Variants in DAB2IP observed in about 807,000 individuals in gnomAD.
DAB2IP encodes the protein DAB2 interacting protein.
In DAB2IP, 28 loss-of-function variants were observed where a neutral mutation model predicts 107.2. The ratio of observed to expected loss-of-function variants is 0.26; its 90% CI spans 0.19 to 0.36. The LOEUF (loss-of-function observed/expected upper bound fraction) is 0.36, where lower values mean the gene tolerates loss of function less well. DAB2IP is among the 10% of genes least tolerant of loss of function. The pLI, the probability that DAB2IP is intolerant of heterozygous loss-of-function variation, is 1.00. For missense variants in DAB2IP, 1,400 were observed against 1,644.7 expected (o/e 0.85, Z 2.57); for synonymous variants, 755 against 706.4 (o/e 1.07, Z -1.09).
intron 3 of DAB2IP, among the ~76,000 whole-genome samples, chr9:121,745,939 G>C (rs1832692971): frequency 6.6e-6 from 1 of 152,198 alleles, no homozygotes; most frequent in South Asian, 2.1e-4. Context: ...TCGTAGATTT[G>C]TCCATCTCTT....
In DAB2IP at chr9:121,782,367, C is replaced by T. The variant is rs1835728329; in HGVS notation, c.3439C>T (p.Arg1147Cys). Residue 1147 changes from arginine to cysteine, a missense_variant, in exon 16 of 16, where the codon CGC becomes TGC. Transcript: ENST00000408936. The surrounding 1 kb of genome is among the most constrained non-coding windows in gnomAD (Gnocchi z 6.1). The stretch of plus-strand genomic sequence containing the variant: ...TGCCTCGTTGGATGCCGCCAATGCC[C>T]GCCTCATGAGTGCCCTGACCCAGCT... 2 of 1,614,012 alleles carry T rather than the reference C, an allele frequency of 1.2e-6. No homozygotes were observed. Among genetic ancestry groups the T allele is most frequent in the Non-Finnish European group, 1.7e-6 (2 of 1,179,930 alleles).
intron 3 of DAB2IP, among the ~76,000 whole-genome samples, chr9:121,714,197 G>A (rs1014082052): frequency 9.2e-5 from 14 of 152,124 alleles, no homozygotes; most frequent in African/African-American, 3.1e-4. Flanking sequence ...CATATATATA[G>A]CAAGAGATGG....
intron 1 of DAB2IP, among the ~76,000 whole-genome samples, chr9:121,667,440 G>A (rs1833489949): frequency 6.6e-6 from 1 of 152,100 alleles, no homozygotes; most frequent in Non-Finnish European, 1.5e-5. Context: ...CCACCCACAG[G>A]TATGTTCCTG....
intron 1 of DAB2IP, among the ~76,000 whole-genome samples, chr9:121,676,369 G>C (rs987471210): frequency 2.1e-4 from 32 of 152,212 alleles, no homozygotes; most frequent in African/African-American, 6.3e-4. Context: ...CCCCTGCTCA[G>C]TAGGTACCTG....
chr9:121,640,346 T>A (rs530084167), intron 1 of DAB2IP, among the ~76,000 whole-genome samples: 3 of 149,182 alleles, frequency 2.0e-5, no homozygotes, highest in Non-Finnish European at 4.4e-5. Context: ...TGTGTGTGCA[T>A]GGGAGCCTGT....
intron 1 of DAB2IP, among the ~76,000 whole-genome samples, chr9:121,644,395 G>C (rs1325276538): frequency 6.6e-6 from 1 of 152,064 alleles, no homozygotes; most frequent in Non-Finnish European, 1.5e-5. Context: ...TCAGGCGTTC[G>C]AGACCAGCCT....
At chr9:121,650,340 A>C (rs759476697), upstream of DAB2IP, among the ~76,000 whole-genome samples, 1 of 152,178 alleles carries the variant, frequency 6.6e-6, no homozygotes, top group Non-Finnish European at 1.5e-5. Context: ...CAGGCTCCGC[A>C]GGACTAGGGA....
At position 121,772,506 on chromosome 9, in the gene DAB2IP, C is replaced by T; in HGVS notation, c.2079-101C>T. 1.5e-6 allele frequency: 2 copies of T among 1,326,946 alleles called. No individual in the cohort carries two copies. The highest frequency in any genetic ancestry group is 2.1e-6 in the Non-Finnish European group (2 of 955,394). 82.2% of individuals were successfully genotyped at this position (1,326,946 alleles called of 1,614,324 possible). A position where few individuals can be genotyped will look rare whatever the true frequency, so the allele number is the denominator to read the frequency against. ...CCCAGCGCTGGCTCAGGCTGCCAGG[C>T]CCCGGCAGGTTGGCGGGTGCTGTCG... On this transcript the variant is annotated intron_variant, in intron 11 of 15. Transcript: ENST00000408936. The surrounding 1 kb of genome is among the most constrained non-coding windows in gnomAD (Gnocchi z 4.7).
At chr9:121,568,062 G>A (rs147017522) in intron 1 of DAB2IP, among the ~76,000 whole-genome samples, 4 of 152,310 alleles carry the variant, frequency 2.6e-5, no homozygotes, top group Admixed American at 6.5e-5. Context: ...GTTGGCCTCG[G>A]AAGAGGTGGT....
At chr9:121,567,175 G>A (rs369955581) in exon 1 of DAB2IP, 3 of 1,613,944 alleles carry the variant, frequency 1.9e-6, no homozygotes, top group Non-Finnish European at 1.7e-6. Context: ...CCAGGGGCTG[G>A]GGGCCCACAC....
chr9:121,680,116 A>T (rs994463882), intron 2 of DAB2IP, among the ~76,000 whole-genome samples: 4 of 152,186 alleles, frequency 2.6e-5, no homozygotes, highest in Non-Finnish European at 5.9e-5. Context: ...TGTTTGTGGC[A>T]TGCAGAACTG....
intron 2 of DAB2IP, among the ~76,000 whole-genome samples, chr9:121,681,898 T>C (rs547043796): frequency 6.6e-6 from 1 of 152,336 alleles, no homozygotes; most frequent in Admixed American, 6.5e-5. Context: ...CAGACTTTGC[T>C]TGGACTGTGG....
At position 121,635,146 on chromosome 9, in the gene DAB2IP, C is replaced by T. The variant is rs943323214; in HGVS notation, c.41-43532C>T. Among the ~76,000 whole-genome samples the T allele has an allele frequency of 3.6e-4, 55 of 152,130 alleles. No homozygotes were observed. The highest frequency in any genetic ancestry group is 1.4e-4 in the African/African-American group (6 of 41,422). On this transcript the variant is annotated intron_variant, in intron 1 of 16. Transcript: ENST00000259371. The surrounding 1 kb of genome is among the most constrained non-coding windows in gnomAD (Gnocchi z 4.3). ...TGGAGAGGCCAGGCCTCCGTGTGGC[C>T]GGTCAATGCCTCAGGAGGTCAGCAG...
Position 121,728,086 on chromosome 9 carries a change from A to G in DAB2IP, c.362+28628A>G, listed in dbSNP as rs567877027. Among the ~76,000 whole-genome samples, 176 of 152,276 alleles carry G rather than the reference A, an allele frequency of 1.2e-3. 1 individual carries two copies. The highest frequency in any genetic ancestry group is 4.2e-3 in the African/African-American group (173 of 41,566). ...GTTAAAGTACCAACCCAGCTATTAT[A>G]GGGGAGAATATTATGGAATTGTTTT... On this transcript the variant is annotated intron_variant, in intron 3 of 15. Coordinates refer to ENST00000408936, the Ensembl canonical transcript of DAB2IP.
Position 121,651,743 on chromosome 9 carries a change from C to T in DAB2IP, c.-33C>T. 1 of 1,266,326 alleles carries T rather than the reference C, an allele frequency of 7.9e-7. No individual in the cohort carries two copies. Among genetic ancestry groups the T allele is most frequent in the Non-Finnish European group, 1.0e-6 (1 of 1,002,488 alleles). The allele number at this position is 1,266,326 out of a possible 1,614,324, so 78.4% of individuals were successfully genotyped here. On this transcript the variant is annotated 5_prime_UTR_variant, in exon 1 of 16. Transcript: ENST00000408936. This position sits in a 1 kb window ranked among gnomAD's most constrained non-coding sequence, Gnocchi z 5.1. ...GCCGATGGGGCCCGTGTGAGCGCGC[C>T]CAGGCCCGGCCCGGTGCCCGGCGGG...
chr9:121,637,935 T>C (rs868126294), intron 1 of DAB2IP, among the ~76,000 whole-genome samples: 1 of 152,168 alleles, frequency 6.6e-6, no homozygotes, highest in African/African-American at 2.4e-5. Flanking sequence ...GGCAGGTTCA[T>C]GATGCACGAG....
chr9:121,736,990 A>G lies in DAB2IP; in HGVS notation c.363-20023A>G, dbSNP rs2118878111. Among the ~76,000 whole-genome samples the G allele has an allele frequency of 6.6e-6, 1 of 152,300 alleles. No individual in the cohort carries two copies. The highest frequency in any genetic ancestry group is 1.9e-4 in the East Asian group (1 of 5,172). On this transcript the variant is annotated intron_variant, in intron 3 of 15. Coordinates refer to ENST00000408936, the Ensembl canonical transcript of DAB2IP. This position sits in a 1 kb window ranked among gnomAD's most constrained non-coding sequence, Gnocchi z 4.6. ...GCCCCTTTAGCTAGAGAGATCAGGG[A>G]AGGCCTCTTCCTGGGACGGGACTTT...
chr9:121,678,938 T>G, intron 2 of DAB2IP, 157 bp downstream of exon 2: 3 of 660,752 alleles, frequency 4.5e-6, no homozygotes, highest in Non-Finnish European at 6.9e-6. Flanking sequence ...CCTCAGCTGC[T>G]CCCATCTCCG....
chr9:121,667,429 C>T lies in DAB2IP; in HGVS notation c.125-11249C>T, dbSNP rs548923465. Among the ~76,000 whole-genome samples the T allele has an allele frequency of 2.6e-5, 4 of 152,270 alleles. No individual in the cohort carries two copies. In the South Asian group the frequency reaches 6.2e-4, roughly 24 times the overall value. On this transcript the variant is annotated intron_variant, in intron 1 of 15. Coordinates refer to ENST00000408936, the Ensembl canonical transcript of DAB2IP. ...ACTTTCCACGTGGGAGCTATGTTTC[C>T]CCACCCACAGGTATGTTCCTGATTC... is the stretch of plus-strand genomic sequence containing the variant.
Sources: gnomAD v4.1 joint callset for allele counts (sites outside exome capture counted in the v4.1 genomes callset) on GRCh38, gnomAD v4.1.1 for gene constraint, Gnocchi (gnomAD v3.1) non-coding constraint, MANE v1.5 for transcripts, NCBI Gene and HGNC (gene_info 2026-07-23, HGNC 2026-07-21) for gene names.